TMEM38B: variants seen among roughly 807,000 people sequenced by gnomAD.
TMEM38B encodes trimeric intracellular cation channel type B.
TMEM38B carries 24 observed loss-of-function variants against 28.7 expected under a neutral mutation model. The observed-to-expected ratio is 0.84, with a 90% CI of 0.61 to 1.18. TMEM38B has a LOEUF of 1.18. Among genes scored for constraint, TMEM38B ranks in the 50% most tolerant of loss-of-function variants. The pLI, the probability that TMEM38B is intolerant of heterozygous loss-of-function variation, is 0.00. For synonymous variants in TMEM38B, 131 were observed against 127.7 expected (o/e 1.03, Z -0.17); for missense variants, 380 against 350.9 (o/e 1.08, Z -0.66).
At chr9:105,759,944 C>G in intron 5 of TMEM38B, 1 of 1,582,098 alleles carries the variant, frequency 6.3e-7, no homozygotes, top group Non-Finnish European at 8.7e-7. Flanking sequence ...CAAAGCAGCA[C>G]AAGTGTGCAA....
At position 105,776,269 on chromosome 9, in the gene TMEM38B, A is replaced by C. The variant is rs929861639; in HGVS notation, c.*2189A>C. ...CAGTGCTGTCACTCTCAAGTAAAAC[A>C]TGGCCAAATGAATATCAAACTGGTT... On this transcript the variant is annotated 3_prime_UTR_variant, in exon 6 of 6. Transcript: ENST00000374692. The C allele has an allele frequency of 2.0e-5, 3 of 152,100 alleles. No homozygotes were observed. Among genetic ancestry groups the C allele is most frequent in the Non-Finnish European group, 2.9e-5 (2 of 68,014 alleles). The allele number at this position is 152,100 out of a possible 1,614,324, so 9.4% of individuals were successfully genotyped here. A position where few individuals can be genotyped will look rare whatever the true frequency, so the allele number is the denominator to read the frequency against.
chr9:105,771,062 C>T (rs1826528146), intron 5 of TMEM38B, among the ~76,000 whole-genome samples: 1 of 152,002 alleles, frequency 6.6e-6, no homozygotes, highest in Non-Finnish European at 1.5e-5. Context: ...AATTTCTTTA[C>T]CTGAATTAAT....
chr9:105,701,493 A>G (rs1835458340), intron 1 of TMEM38B: 1 of 152,254 alleles, frequency 6.6e-6, no homozygotes, highest in Non-Finnish European at 1.5e-5. Context: ...AGAAAAAAGC[A>G]TTTGCTTCCA....
chr9:105,760,128 G>T, intron 5 of TMEM38B: 1 of 880,150 alleles, frequency 1.1e-6, no homozygotes, highest in Non-Finnish European at 1.9e-6. Flanking sequence ...CGCTACAATT[G>T]TGTCGTTTGT....
rs1835633740 is a variant in TMEM38B at position 105,705,741 on chromosome 9, C to A, written c.257C>A (p.Ala86Glu). The change falls in exon 2 of 6, where the codon GCA becomes GAA. Residue 86 changes from alanine (A) to glutamate (E), a missense_variant. By Grantham distance (107) the Ala-to-Glu change is moderately radical. Coordinates refer to ENST00000374692, the MANE Select transcript of TMEM38B (RefSeq NM_018112.3). ...GCAAACCACACTAACATATTACTGG[C>A]ATCTTCAATCTGGTAAGCTGCCAGT... ...FLANHTNILL[A>E]SSIWYITFFC... 1 of 1,612,892 alleles carries A rather than the reference C, an allele frequency of 6.2e-7. No homozygotes were observed.
At chr9:105,754,541 TG>T (rs1400435127) in intron 5 of TMEM38B, among the ~76,000 whole-genome samples, 1 of 152,126 alleles carries the variant, frequency 6.6e-6, no homozygotes, top group Non-Finnish European at 1.5e-5. Context: ...GGGTAATTAA[TG>T]AAATTAAGGC....
intron 5 of TMEM38B, among the ~76,000 whole-genome samples, chr9:105,764,566 C>G (rs1359176444): frequency 6.6e-6 from 1 of 152,000 alleles, no homozygotes; most frequent in Non-Finnish European, 1.5e-5. Flanking sequence ...CAAACCACTG[C>G]TCAAGGAAAT....
intron 4 of TMEM38B, among the ~76,000 whole-genome samples, chr9:105,736,617 G>A (rs1326928905): frequency 6.6e-6 from 1 of 152,130 alleles, no homozygotes; most frequent in African/African-American, 2.4e-5. Context: ...TTTCTTTGGG[G>A]TCAGTTACTG....
intron 4 of TMEM38B, among the ~76,000 whole-genome samples, chr9:105,732,145 G>T (rs1027721998): frequency 5.3e-5 from 8 of 152,188 alleles, no homozygotes; most frequent in African/African-American, 1.9e-4. Flanking sequence ...CCCACTTTTC[G>T]ATGGGGTTGT....
intron 4 of TMEM38B, among the ~76,000 whole-genome samples, chr9:105,731,656 A>C (rs770481927): frequency 3.9e-4 from 59 of 152,262 alleles, no homozygotes; most frequent in Non-Finnish European, 2.1e-4. Context: ...TTATGGCTGC[A>C]TAGTATTCCA....
chr9:105,709,137 C>T (rs73518117), intron 2 of TMEM38B, among the ~76,000 whole-genome samples: 5,153 of 152,026 alleles, frequency 0.034, 234 homozygotes, highest in African/African-American at 0.1. Context: ...GGGATAATAG[C>T]TGTCTACCTT....
chr9:105,741,819 C>G (rs932955219), intron 4 of TMEM38B, among the ~76,000 whole-genome samples: 5 of 152,162 alleles, frequency 3.3e-5, no homozygotes, highest in Non-Finnish European at 7.3e-5. Flanking sequence ...TTGGGAAATT[C>G]TCAGCCTATT....
intron 1 of TMEM38B, 46 bp downstream of exon 1, chr9:105,694,818 C>A (rs759068138): frequency 2.6e-5 from 15 of 577,758 alleles, no homozygotes; most frequent in African/African-American, 2.2e-4. Context: ...GTGCTCCTGA[C>A]GGCGAGGACC....
chr9:105,732,558 A>G (rs1488669431), intron 4 of TMEM38B, among the ~76,000 whole-genome samples: 1 of 152,172 alleles, frequency 6.6e-6, no homozygotes, highest in African/African-American at 2.4e-5. Context: ...CCATTTATTA[A>G]ATAGGGAATC....
At chr9:105,759,237 G>T in intron 5 of TMEM38B, 1 of 716,066 alleles carries the variant, frequency 1.4e-6, no homozygotes, top group Non-Finnish European at 2.5e-6. Context: ...CATTTTGGTT[G>T]TTTGTGGCTA....
intron 5 of TMEM38B, chr9:105,759,782 T>G (rs1440344296): frequency 6.2e-7 from 1 of 1,609,184 alleles, no homozygotes. Flanking sequence ...ACCACTACTT[T>G]GACTGCTCAA....
At chr9:105,755,432 CATGTACCCCG>C (rs1488343883) in intron 5 of TMEM38B, among the ~76,000 whole-genome samples, 4 of 152,134 alleles carry the variant, frequency 2.6e-5, no homozygotes, top group African/African-American at 9.7e-5. Flanking sequence ...ACATCCTGTA[CATGTACCCCG>C]ATGTTAAATA....
chr9:105,759,695 A>C, intron 5 of TMEM38B: 1 of 1,598,746 alleles, frequency 6.3e-7, no homozygotes, highest in East Asian at 2.2e-5. Context: ...TTAGAGTCTA[A>C]GCCCAAACAG....
At chr9:105,746,780 A>C (rs887996499) in intron 4 of TMEM38B, among the ~76,000 whole-genome samples, 1 of 152,218 alleles carries the variant, frequency 6.6e-6, no homozygotes, top group Non-Finnish European at 1.5e-5. Context: ...GAAAGTTATT[A>C]GCATGAAGGG....
Sources: gnomAD v4.1 joint callset for allele counts (sites outside exome capture counted in the v4.1 genomes callset) on GRCh38, gnomAD v4.1.1 for gene constraint, MANE v1.5 for transcripts, NCBI Gene and HGNC (gene_info 2026-07-23, HGNC 2026-07-21) for gene names.